The following LARGE1 variants were observed in gnomAD, a reference collection of about 807,000 sequenced individuals.
LARGE1 encodes LARGE xylosyl- and glucuronyltransferase 1, also known as xylosyl- and glucuronyltransferase LARGE1.
A neutral mutation model predicts 87.6 loss-of-function variants in LARGE1; 43 were observed. That is an observed-to-expected ratio of 0.49 (90% CI 0.38 to 0.63). The LOEUF (loss-of-function observed/expected upper bound fraction) is 0.63, where lower values mean the gene tolerates loss of function less well. Among genes scored for constraint, LARGE1 ranks in the 30% least tolerant of loss-of-function variants. The pLI is 0.00. For missense variants in LARGE1, 802 were observed against 1,000.2 expected (o/e 0.80, Z 2.67); for synonymous variants, 434 against 394.6 (o/e 1.10, Z -1.18).
the LARGE1 span, among the ~76,000 whole-genome samples, chr22:33,119,224 A>T: frequency 6.6e-6 from 1 of 152,232 alleles, no homozygotes; most frequent in Non-Finnish European, 1.5e-5. Flanking sequence ...CTGCTGGGTC[A>T]CCTTAGCTGT....
At chr22:33,728,434 G>A (rs1018443353) in intron 2 of LARGE1, among the ~76,000 whole-genome samples, 1 of 151,654 alleles carries the variant, frequency 6.6e-6, no homozygotes, top group Non-Finnish European at 1.5e-5. Context: ...AGCTACTCAG[G>A]AGGCTGAGGC....
At position 33,650,534 on chromosome 22, in the gene LARGE1, T is replaced by C. The variant is rs951524503; in HGVS notation, c.241A>G (p.Arg81Gly). 4.3e-6 allele frequency: 7 copies of C among 1,611,230 alleles called. No homozygotes were observed. In the African/African-American group the frequency reaches 8.0e-5, roughly 18 times the overall value. ...EVEEENRALR[R>G]QLSLAQGRAP... ...CGGCCCTGGGCCAGGCTGAGCTGCC[T>C]GCGGAGGGCGCGGTTCTCCTCCTCC... The change falls in exon 3 of 15, where the codon AGG becomes GGG. Residue 81 changes from arginine to glycine, a missense_variant. By Grantham distance (125) the Arg-to-Gly change is moderately radical (BLOSUM62 -2). This residue lies in a region of LARGE1 where 177 missense variants were observed against 158.3 expected (regional missense o/e 1.12). Coordinates refer to ENST00000397394, the MANE Select transcript of LARGE1 (RefSeq NM_133642.5).
chr22:33,547,165 TC>T (rs1389279264), intron 6 of LARGE1, among the ~76,000 whole-genome samples: 2 of 151,538 alleles, frequency 1.3e-5, no homozygotes, highest in African/African-American at 4.8e-5. Flanking sequence ...TGTACAGCAG[TC>T]CCTAACCTTT....
At chr22:33,914,992 A>C (rs1427266628) in intron 1 of LARGE1, among the ~76,000 whole-genome samples, 1 of 149,610 alleles carries the variant, frequency 6.7e-6, no homozygotes, top group African/African-American at 2.5e-5. Context: ...TGATAGAGAC[A>C]AGACAAACAT....
chr22:33,726,464 T>G (rs2083275361), intron 2 of LARGE1, among the ~76,000 whole-genome samples: 1 of 152,304 alleles, frequency 6.6e-6, no homozygotes, highest in East Asian at 1.9e-4. Context: ...ACTGAAATAT[T>G]AGCATTATAT....
intron 5 of LARGE1, among the ~76,000 whole-genome samples, chr22:33,590,853 T>C (rs907955242): frequency 6.6e-6 from 1 of 152,176 alleles, no homozygotes; most frequent in African/African-American, 2.4e-5. Flanking sequence ...TTCTCTTGGT[T>C]GAACACCTAG....
chr22:33,781,555 A>C (rs2085421314), intron 1 of LARGE1, among the ~76,000 whole-genome samples: 1 of 152,182 alleles, frequency 6.6e-6, no homozygotes, highest in Admixed American at 6.5e-5. Flanking sequence ...AAGAGGAAAG[A>C]ATGCAGACAG....
chr22:33,372,749 T>C (rs2064859822), intron 9 of LARGE1, among the ~76,000 whole-genome samples: 1 of 152,104 alleles, frequency 6.6e-6, no homozygotes, highest in Non-Finnish European at 1.5e-5. Context: ...ATAAGATGTG[T>C]TTTGATGAAT....
At chr22:33,197,876 C>G (rs955286891) in intron 11 of LARGE1, among the ~76,000 whole-genome samples, 2 of 151,196 alleles carry the variant, frequency 1.3e-5, no homozygotes, top group Admixed American at 6.6e-5. Context: ...GACTATAACT[C>G]TATAGCAATC....
the LARGE1 span, among the ~76,000 whole-genome samples, chr22:33,113,642 A>G: frequency 6.6e-6 from 1 of 152,210 alleles, no homozygotes; most frequent in Admixed American, 6.5e-5. Flanking sequence ...CATTTGGACA[A>G]GTTACTTAAT....
chr22:33,139,858 T>C, the LARGE1 span, among the ~76,000 whole-genome samples: 1 of 152,212 alleles, frequency 6.6e-6, no homozygotes, highest in Non-Finnish European at 1.5e-5. Context: ...TTGTTTGTGG[T>C]CATTGCCTTT....
chr22:33,903,741 C>G (rs2065353106), intron 1 of LARGE1, among the ~76,000 whole-genome samples: 1 of 152,138 alleles, frequency 6.6e-6, no homozygotes, highest in African/African-American at 2.4e-5. Context: ...AGGAGAATCA[C>G]TTGAACCTGG....
intron 9 of LARGE1, among the ~76,000 whole-genome samples, chr22:33,353,696 T>C (rs1451978050): frequency 1.3e-5 from 2 of 152,144 alleles, no homozygotes; most frequent in Non-Finnish European, 2.9e-5. Context: ...TCCTGCAGAG[T>C]TATACACTGA....
chr22:33,898,583 T>C (rs992417193), intron 1 of LARGE1, among the ~76,000 whole-genome samples: 1 of 152,282 alleles, frequency 6.6e-6, no homozygotes, highest in Non-Finnish European at 1.5e-5. Flanking sequence ...GGGGAAACTC[T>C]TTCTCTACTA....
intron 7 of LARGE1, among the ~76,000 whole-genome samples, chr22:33,421,944 G>A (rs1348793600): frequency 6.6e-6 from 1 of 152,230 alleles, no homozygotes. Flanking sequence ...AGCTTTGGTT[G>A]GGTCACTGAA....
downstream of LARGE1, among the ~76,000 whole-genome samples, chr22:33,270,764 C>G (rs935075131): frequency 1.3e-5 from 2 of 152,160 alleles, no homozygotes; most frequent in Non-Finnish European, 2.9e-5. Context: ...AACTCAAAGA[C>G]AGTAGAGTCT....
At chr22:33,261,806 C>T (rs1452678456) in intron 11 of LARGE1, among the ~76,000 whole-genome samples, 1 of 152,306 alleles carries the variant, frequency 6.6e-6, no homozygotes, top group East Asian at 1.9e-4. Flanking sequence ...TCTGAAATGA[C>T]TGCTTCTCTC....
At chr22:33,791,926 G>A (rs193111025) in intron 1 of LARGE1, among the ~76,000 whole-genome samples, 6 of 152,286 alleles carry the variant, frequency 3.9e-5, no homozygotes, top group African/African-American at 7.2e-5. Context: ...GCTAAGACAG[G>A]CACTTGATAA....
intron 6 of LARGE1, among the ~76,000 whole-genome samples, chr22:33,467,808 A>G (rs1457873089): frequency 6.6e-6 from 1 of 152,166 alleles, no homozygotes; most frequent in African/African-American, 2.4e-5. Context: ...CGGCTCTAAC[A>G]TCTGGAATTG....
Sources: gnomAD v4.1 joint callset for allele counts (sites outside exome capture counted in the v4.1 genomes callset) on GRCh38, gnomAD v4.1.1 for gene constraint, gnomAD v4.1.1 regional missense constraint, MANE v1.5 for transcripts, NCBI Gene and HGNC (gene_info 2026-07-23, HGNC 2026-07-21) for gene names.